The following ATF2 variants were observed in gnomAD, a reference collection of about 807,000 sequenced individuals.
ATF2 encodes the protein cyclic AMP-dependent transcription factor ATF-2.
Under a neutral mutation model 60.6 loss-of-function variants are expected in ATF2, and 24 were observed. The observed-to-expected ratio is 0.40, with a 90% confidence interval of 0.29 to 0.56. The LOEUF is 0.56. Ranked by LOEUF, ATF2 falls within the 20% of genes least tolerant of loss-of-function variation. ATF2 has a pLI of 0.54. For synonymous variants in ATF2, 206 were observed against 215.4 expected (o/e 0.96, Z 0.38); for missense variants, 433 against 607.7 (o/e 0.71, Z 3.02).
At chr2:175,117,861 GCTTTCACATATAAAA>G in intron 7 of ATF2, 114 bp downstream of exon 7, 1 of 1,037,938 alleles carries the variant, frequency 9.6e-7, no homozygotes, top group Non-Finnish European at 1.3e-6. Flanking sequence ...GTATTGACAG[GCTTTCACATATAAAA>G]CTATTGCAAG....
At chr2:175,138,124 T>C (rs1261825557) in intron 2 of ATF2, among the ~76,000 whole-genome samples, 1 of 152,190 alleles carries the variant, frequency 6.6e-6, no homozygotes, top group Admixed American at 6.5e-5. Context: ...CTACAATCTA[T>C]ACTGGTAGGA....
intron 12 of ATF2, among the ~76,000 whole-genome samples, chr2:175,092,024 A>T (rs1038631064): frequency 6.6e-5 from 10 of 152,214 alleles, no homozygotes; most frequent in African/African-American, 2.4e-4. Flanking sequence ...GTTCTGCAAG[A>T]CAATCTATTT....
chr2:175,110,168 C>T (rs1288144899), intron 10 of ATF2, among the ~76,000 whole-genome samples: 1 of 152,036 alleles, frequency 6.6e-6, no homozygotes, highest in East Asian at 1.9e-4. Flanking sequence ...AAACCCGTCT[C>T]TACTAAAAAT....
intron 2 of ATF2, among the ~76,000 whole-genome samples, chr2:175,142,149 T>C (rs1698587642): frequency 6.6e-6 from 1 of 151,722 alleles, no homozygotes. Flanking sequence ...CTTAGATCAG[T>C]ACAAAAGTGA....
chr2:175,080,523 A>C (rs212345), intron 13 of ATF2, 137 bp downstream of exon 13: 3 of 657,462 alleles, frequency 4.6e-6, no homozygotes, highest in Non-Finnish European at 7.4e-6. Flanking sequence ...TGCATTCTAT[A>C]ATAACCTTAC....
At chr2:175,135,519 C>G (rs552616286) in intron 3 of ATF2, among the ~76,000 whole-genome samples, 1 of 152,192 alleles carries the variant, frequency 6.6e-6, no homozygotes, top group Admixed American at 6.5e-5. Context: ...TATTACTTTC[C>G]CACCATCGTA....
At chr2:175,167,833 C>T (rs1481772649) in intron 1 of ATF2, 1 of 419,738 alleles carries the variant, frequency 2.4e-6, no homozygotes, top group Non-Finnish European at 5.1e-6. Context: ...AACGGTCCGG[C>T]CCAGCCAGTC....
rs552022086 is a variant in ATF2, at chr2:175,155,712, GAAAGA to G, written c.-142-4559_-142-4555del. ...CAAATAAAATTATGTTGGAGAAGTC[GAAAGA>G]AAATAAAGTTTAATAAGAAAAAGGG... On this transcript the variant is annotated intron_variant, in intron 1 of 13. Coordinates refer to ENST00000264110, the MANE Select transcript of ATF2 (RefSeq NM_001880.4). Among the ~76,000 whole-genome samples, 341 of 152,144 alleles carry G rather than the reference GAAAGA, an allele frequency of 2.2e-3. 1 individual carries two copies. Among genetic ancestry groups the G allele is most frequent in the Non-Finnish European group, 2.4e-3 (161 of 67,988 alleles).
chr2:175,105,310 G>GC (rs34755587), intron 10 of ATF2, among the ~76,000 whole-genome samples: 2,006 of 144,590 alleles, frequency 0.014, 21 homozygotes, highest in Non-Finnish European at 0.018. Flanking sequence ...ATTAAAATCT[G>GC]CCCCCCCCCC....
chr2:175,160,866 C>T (rs1365637388), intron 1 of ATF2, among the ~76,000 whole-genome samples: 1 of 151,964 alleles, frequency 6.6e-6, no homozygotes, highest in African/African-American at 2.4e-5. Flanking sequence ...CGGCAAGACC[C>T]CATCTCTACA....
intron 12 of ATF2, among the ~76,000 whole-genome samples, chr2:175,085,195 T>C (rs1694067285): frequency 6.6e-6 from 1 of 152,164 alleles, no homozygotes; most frequent in East Asian, 1.9e-4. Flanking sequence ...GTGACAAAAG[T>C]ACTGAAAGTG....
intron 4 of ATF2, among the ~76,000 whole-genome samples, chr2:175,127,485 G>A (rs1411646941): frequency 6.6e-6 from 1 of 152,114 alleles, no homozygotes; most frequent in Admixed American, 6.5e-5. Context: ...CACCTGGACT[G>A]CTGTCAGCCT....
intron 1 of ATF2, among the ~76,000 whole-genome samples, chr2:175,156,377 CAAAAAAAAAA>C (rs57399474): frequency 1.1e-4 from 6 of 56,018 alleles, no homozygotes; most frequent in East Asian, 1.8e-3. Context: ...TCTCAAAAAA[CAAAAAAAAAA>C]AAAAAAAAAA....
At chr2:175,150,021 T>C (rs1699201314) in intron 2 of ATF2, among the ~76,000 whole-genome samples, 1 of 152,192 alleles carries the variant, frequency 6.6e-6, no homozygotes, top group Non-Finnish European at 1.5e-5. Context: ...CCTGACCTAA[T>C]GGAGCTTATA....
rs889325923 is a variant in ATF2, at chr2:175,073,769, A to G, written c.*840T>C. ...TTTGTAACCTGAAATCTGTAAAAAC[A>G]ACAACAAAAAAACCAAAAACAAGAG... On this transcript the variant is annotated 3_prime_UTR_variant, in exon 14 of 14. Coordinates refer to ENST00000264110, the MANE Select transcript of ATF2 (RefSeq NM_001880.4). The G allele has an allele frequency of 1.2e-4, 18 of 152,080 alleles. No individual in the cohort carries two copies. Among genetic ancestry groups the G allele is most frequent in the Admixed American group, 1.1e-3 (16 of 15,170 alleles). The allele number at this position is 152,080 out of a possible 1,614,324, so 9.4% of individuals were successfully genotyped here. A position where few individuals can be genotyped will look rare whatever the true frequency, so the allele number is the denominator to read the frequency against.
At chr2:175,109,869 T>C (rs982942139) in intron 10 of ATF2, among the ~76,000 whole-genome samples, 17 of 152,222 alleles carry the variant, frequency 1.1e-4, no homozygotes, top group African/African-American at 3.6e-4. Flanking sequence ...TACTATGATG[T>C]GAAAAATTTC....
chr2:175,163,185 GC>G (rs1553517499), intron 1 of ATF2, among the ~76,000 whole-genome samples: 1 of 1,956 alleles, frequency 5.1e-4, no homozygotes, highest in African/African-American at 1.1e-3. Context: ...ATAAATAAAT[GC>G]AAGCAAACAT....
At position 175,085,599 on chromosome 2, in the gene ATF2, A is replaced by AC. The variant is rs1553501577; in HGVS notation, c.1186-4835_1186-4834insG. Among the ~76,000 whole-genome samples the AC allele has an allele frequency of 4.7e-3, 516 of 110,382 alleles. 4 individuals are homozygous for AC. Among genetic ancestry groups the AC allele is most frequent in the African/African-American group, 0.015 (337 of 23,104 alleles). 72.4% of individuals were successfully genotyped at this position (110,382 alleles called of 152,430 possible). A position where few individuals can be genotyped will look rare whatever the true frequency, so the allele number is the denominator to read the frequency against. ...ACACACACACACACACACACACACA[A>AC]ATTCTCTCTTTAAATAGACAGGTCT... On this transcript the variant is annotated intron_variant, in intron 12 of 13. Transcript: ENST00000264110.
intron 4 of ATF2, among the ~76,000 whole-genome samples, chr2:175,125,831 A>G (rs1423418752): frequency 1.3e-5 from 2 of 152,150 alleles, no homozygotes; most frequent in African/African-American, 2.4e-5. Flanking sequence ...TGTTTTAAAA[A>G]TAAAACTAAA....
Sources: allele counts gnomAD v4.1 joint callset (sites outside exome capture counted in the v4.1 genomes callset), GRCh38; gene constraint gnomAD v4.1.1; transcripts MANE v1.5; gene names NCBI Gene and HGNC (gene_info 2026-07-23, HGNC 2026-07-21).